Variants in CTDSPL2 observed in about 807,000 individuals in gnomAD.
CTDSPL2 encodes CTD small phosphatase like 2.
A neutral mutation model predicts 60.0 loss-of-function variants in CTDSPL2; 5 were observed. The observed-to-expected ratio is 0.08, with a 90% CI of 0.04 to 0.18. The LOEUF (loss-of-function observed/expected upper bound fraction) is 0.18, where lower values mean the gene tolerates loss of function less well. CTDSPL2 is among the 10% of genes least tolerant of loss of function. CTDSPL2 has a pLI of 1.00. For missense variants in CTDSPL2, 370 were observed against 548.8 expected (o/e 0.67, Z 3.26); for synonymous variants, 186 against 189.3 (o/e 0.98, Z 0.14).
intron 5 of CTDSPL2, among the ~76,000 whole-genome samples, chr15:44,495,464 C>T (rs1301217176): frequency 2.7e-5 from 4 of 148,080 alleles, no homozygotes; most frequent in East Asian, 2.1e-4. Context: ...GCCTGTAGTC[C>T]CAGCTACTTG....
intron 7 of CTDSPL2, among the ~76,000 whole-genome samples, chr15:44,497,998 GA>G (rs150886200): frequency 0.048 from 7,106 of 149,538 alleles, 319 homozygotes; most frequent in East Asian, 0.23. Flanking sequence ...TTCTGTCTCA[GA>G]AAAAAAAATG....
At chr15:44,443,526 G>T (rs767484973) in intron 1 of CTDSPL2, among the ~76,000 whole-genome samples, 5 of 152,064 alleles carry the variant, frequency 3.3e-5, no homozygotes, top group South Asian at 2.1e-4. Context: ...ACAGTAAAGC[G>T]CAAGGATTCT....
At chr15:44,516,107 C>T (rs926917836) in intron 10 of CTDSPL2, among the ~76,000 whole-genome samples, 2 of 151,422 alleles carry the variant, frequency 1.3e-5, no homozygotes, top group African/African-American at 4.9e-5. Flanking sequence ...GCTGGGACTA[C>T]AGGTGTGTGC....
At chr15:44,509,008 T>G (rs1206213532) in intron 8 of CTDSPL2, among the ~76,000 whole-genome samples, 1 of 152,074 alleles carries the variant, frequency 6.6e-6, no homozygotes, top group African/African-American at 2.4e-5. Flanking sequence ...ATGTAATTTT[T>G]GGGGGGGTCA....
chr15:44,512,835 G>A (rs1325815797), intron 8 of CTDSPL2, among the ~76,000 whole-genome samples: 1 of 152,110 alleles, frequency 6.6e-6, no homozygotes, highest in East Asian at 1.9e-4. Context: ...GCTCACGCCT[G>A]TAATCCCAGC....
intron 5 of CTDSPL2, 95 bp downstream of exon 5, chr15:44,491,094 T>C (rs373660039): frequency 2.3e-6 from 2 of 858,020 alleles, no homozygotes; most frequent in Admixed American, 2.8e-5. Flanking sequence ...ATTATATGCA[T>C]AGGTTTTTCT....
intron 1 of CTDSPL2, among the ~76,000 whole-genome samples, chr15:44,455,385 C>T (rs139914896): frequency 0.03 from 4,592 of 152,212 alleles, 248 homozygotes; most frequent in African/African-American, 0.11. Context: ...GTTTGACTTC[C>T]TCTTTTCCTA....
chr15:44,487,929 C>A (rs1227380144), intron 4 of CTDSPL2, among the ~76,000 whole-genome samples: 1 of 151,956 alleles, frequency 6.6e-6, no homozygotes, highest in Non-Finnish European at 1.5e-5. Flanking sequence ...GCCTGACTAA[C>A]ATGGTGAAAC....
intron 1 of CTDSPL2, among the ~76,000 whole-genome samples, chr15:44,455,352 C>T (rs1471008938): frequency 1.3e-5 from 2 of 152,174 alleles, no homozygotes; most frequent in Non-Finnish European, 2.9e-5. Flanking sequence ...AATATACAAT[C>T]ATGTCATCTG....
intron 4 of CTDSPL2, among the ~76,000 whole-genome samples, chr15:44,488,841 A>G (rs2081166687): frequency 6.6e-6 from 1 of 152,214 alleles, no homozygotes; most frequent in South Asian, 2.1e-4. Flanking sequence ...CAAAACAAAA[A>G]AAACAAACCC....
chr15:44,441,979 G>A (rs1429869067), intron 1 of CTDSPL2, among the ~76,000 whole-genome samples: 3 of 152,264 alleles, frequency 2.0e-5, no homozygotes, highest in East Asian at 3.9e-4. Flanking sequence ...TCGATTGATA[G>A]TGGAAAGAGA....
intron 2 of CTDSPL2, among the ~76,000 whole-genome samples, chr15:44,479,396 T>C (rs1230655331): frequency 6.6e-6 from 1 of 150,496 alleles, no homozygotes; most frequent in African/African-American, 2.4e-5. Flanking sequence ...GTATGTCTCA[T>C]ATTTTCTTTC....
chr15:44,466,950 C>CAAA (rs2080709146), intron 2 of CTDSPL2, among the ~76,000 whole-genome samples: 1 of 151,930 alleles, frequency 6.6e-6, no homozygotes, highest in South Asian at 2.1e-4. Context: ...AAAAACAAAA[C>CAAA]AAAACAAAAC....
intron 8 of CTDSPL2, among the ~76,000 whole-genome samples, chr15:44,512,459 A>T (rs2081582878): frequency 6.6e-6 from 1 of 152,228 alleles, no homozygotes; most frequent in Non-Finnish European, 1.5e-5. Context: ...CTTGAGATGG[A>T]ATTCAGAAAA....
At chr15:44,463,451 A>G (rs1450381143) in intron 2 of CTDSPL2, among the ~76,000 whole-genome samples, 2 of 152,204 alleles carry the variant, frequency 1.3e-5, no homozygotes, top group Non-Finnish European at 2.9e-5. Flanking sequence ...TGTCTTATTT[A>G]TTAATTAACA....
chr15:44,469,809 G>T (rs1265005867), intron 2 of CTDSPL2, among the ~76,000 whole-genome samples: 4 of 152,068 alleles, frequency 2.6e-5, no homozygotes, highest in Admixed American at 1.3e-4. Context: ...AGAAACAAAA[G>T]AATGGTGGCC....
chr15:44,499,468 G>C (rs2081353872), intron 7 of CTDSPL2, among the ~76,000 whole-genome samples: 1 of 152,134 alleles, frequency 6.6e-6, no homozygotes. Context: ...CTGATCATCA[G>C]AAGTGAGGTT....
chr15:44,473,273 T>A (rs932436324), intron 2 of CTDSPL2, among the ~76,000 whole-genome samples: 2 of 152,154 alleles, frequency 1.3e-5, no homozygotes, highest in African/African-American at 4.8e-5. Flanking sequence ...ATTGGCAAAA[T>A]CAGGGTGACA....
intron 1 of CTDSPL2, among the ~76,000 whole-genome samples, chr15:44,456,780 G>T (rs960860285): frequency 1.9e-4 from 26 of 138,482 alleles, no homozygotes; most frequent in Admixed American, 2.8e-4. Flanking sequence ...CTTTTCTTCT[G>T]CTAGCTTTTG....
Sources: allele counts gnomAD v4.1 joint callset (sites outside exome capture counted in the v4.1 genomes callset), GRCh38; gene constraint gnomAD v4.1.1; transcripts MANE v1.5; gene names NCBI Gene and HGNC (gene_info 2026-07-23, HGNC 2026-07-21).